CAMTA1: variants seen among roughly 807,000 people sequenced by gnomAD.
CAMTA1 encodes calmodulin binding transcription activator 1.
A neutral mutation model predicts 170.9 loss-of-function variants in CAMTA1; 27 were observed. The observed-to-expected ratio is 0.16, with a 90% confidence interval of 0.12 to 0.22. The LOEUF (loss-of-function observed/expected upper bound fraction) is 0.22, where lower values mean the gene tolerates loss of function less well. Ranked by LOEUF, CAMTA1 falls within the 10% of genes least tolerant of loss-of-function variation. CAMTA1 has a pLI of 1.00. For missense variants in CAMTA1, 1,619 were observed against 2,217.2 expected (o/e 0.73, Z 5.42); for synonymous variants, 833 against 891.5 (o/e 0.93, Z 1.17).
intron 6 of CAMTA1, among the ~76,000 whole-genome samples, chr1:7,611,761 C>T (rs973015147): frequency 1.3e-5 from 2 of 152,264 alleles, no homozygotes; most frequent in Non-Finnish European, 1.5e-5. Flanking sequence ...GCTGCTGCTT[C>T]AGGCTGCCCC....
chr1:7,185,532 A>G (rs890922075), intron 4 of CAMTA1, among the ~76,000 whole-genome samples: 13 of 152,236 alleles, frequency 8.5e-5, no homozygotes, highest in African/African-American at 3.1e-4. Context: ...TTGAAAATGT[A>G]GAAGGAATTT....
At chr1:6,794,631 T>A (rs189384196) in intron 1 of CAMTA1, among the ~76,000 whole-genome samples, 74 of 152,342 alleles carry the variant, frequency 4.9e-4, no homozygotes, top group African/African-American at 1.7e-3. Context: ...TTTCTAAGAA[T>A]GTAATAATCT....
chr1:7,443,164 A>T lies in CAMTA1; in HGVS notation c.439-24666A>T, dbSNP rs1468984105. Among the ~76,000 whole-genome samples the T allele has an allele frequency of 6.6e-6, 1 of 152,244 alleles. No homozygotes were observed. The highest frequency in any genetic ancestry group is 2.4e-5 in the African/African-American group (1 of 41,468). ...AAGCCCTGGATGACGGCTGCAAAGC[A>T]TAAGGCTTCGGGTTCCCAGCTCAGT... On this transcript the variant is annotated intron_variant, in intron 5 of 22. Coordinates refer to ENST00000303635, the MANE Select transcript of CAMTA1 (RefSeq NM_015215.4). This position sits in a 1 kb window ranked among gnomAD's most constrained non-coding sequence, Gnocchi z 4.1.
intron 5 of CAMTA1, among the ~76,000 whole-genome samples, chr1:7,254,432 G>C (rs1157316229): frequency 6.6e-6 from 1 of 152,190 alleles, no homozygotes; most frequent in Non-Finnish European, 1.5e-5. Flanking sequence ...ACCATCTTTG[G>C]GTGGAAACAC....
chr1:7,663,209 C>A, intron 8 of CAMTA1, 144 bp from the exon 9 acceptor site: 1 of 1,099,358 alleles, frequency 9.1e-7, no homozygotes, highest in Non-Finnish European at 1.3e-6. Flanking sequence ...GCCTGGGGTA[C>A]CGGGCCTGGA....
chr1:7,402,494 C>T (rs1235433055), intron 5 of CAMTA1, among the ~76,000 whole-genome samples: 1 of 152,174 alleles, frequency 6.6e-6, no homozygotes, highest in Non-Finnish European at 1.5e-5. Context: ...GTCCCATCGC[C>T]CAAAAATATG....
intron 5 of CAMTA1, among the ~76,000 whole-genome samples, chr1:7,298,937 A>G (rs970229946): frequency 1.3e-5 from 2 of 152,094 alleles, no homozygotes; most frequent in African/African-American, 4.8e-5. Context: ...ACCAGACCCA[A>G]GGGTTTTGGA....
At chr1:7,429,538 GTGA>G (rs1478687893) in intron 5 of CAMTA1, among the ~76,000 whole-genome samples, 6 of 149,382 alleles carry the variant, frequency 4.0e-5, no homozygotes, top group East Asian at 2.0e-4. Context: ...GGTGATGATG[GTGA>G]TGATGATGAC....
At chr1:7,136,779 C>G (rs1001912502) in intron 4 of CAMTA1, among the ~76,000 whole-genome samples, 3 of 152,166 alleles carry the variant, frequency 2.0e-5, no homozygotes, top group Admixed American at 2.0e-4. Flanking sequence ...GCCTCTTCCT[C>G]GTGAAACCGC....
intron 5 of CAMTA1, among the ~76,000 whole-genome samples, chr1:7,418,822 C>T (rs554483643): frequency 2.6e-5 from 4 of 152,346 alleles, no homozygotes; most frequent in African/African-American, 9.6e-5. Flanking sequence ...CCCACCTCCA[C>T]CCCACTCAGT....
intron 4 of CAMTA1, among the ~76,000 whole-genome samples, chr1:7,131,041 C>T (rs929155349): frequency 6.6e-6 from 1 of 151,854 alleles, no homozygotes; most frequent in East Asian, 1.9e-4. Context: ...GCAACCTCTG[C>T]CTCCCGGGTT....
intron 1 of CAMTA1, among the ~76,000 whole-genome samples, chr1:6,797,723 TC>T (rs769891734): frequency 2.0e-5 from 3 of 152,056 alleles, no homozygotes; most frequent in Non-Finnish European, 4.4e-5. Context: ...AACTCACAGA[TC>T]CTGTGTCCTC....
At chr1:7,060,994 T>C (rs1241911563) in intron 3 of CAMTA1, among the ~76,000 whole-genome samples, 2 of 152,186 alleles carry the variant, frequency 1.3e-5, no homozygotes, top group African/African-American at 4.8e-5. Flanking sequence ...CCTCCTTCTT[T>C]TTTTATTCCC....
intron 5 of CAMTA1, among the ~76,000 whole-genome samples, chr1:7,337,116 A>G (rs1393528568): frequency 6.6e-6 from 1 of 152,232 alleles, no homozygotes; most frequent in Non-Finnish European, 1.5e-5. Flanking sequence ...AGATTACGGC[A>G]GATGATTGAG....
chr1:7,747,584 T>C, intron 18 of CAMTA1, 126 bp from the exon 19 acceptor site: 1 of 560,700 alleles, frequency 1.8e-6, no homozygotes, highest in Non-Finnish European at 3.1e-6. Flanking sequence ...TAATTAATTA[T>C]CAATATTTTT....
intron 6 of CAMTA1, among the ~76,000 whole-genome samples, chr1:7,573,076 T>A (rs2095143977): frequency 6.6e-6 from 1 of 152,214 alleles, no homozygotes; most frequent in Non-Finnish European, 1.5e-5. Context: ...CAGAAGGGTT[T>A]ACTCCTGGAC....
At chr1:7,689,767 CCTT>C (rs1311147431) in intron 11 of CAMTA1, among the ~76,000 whole-genome samples, 1 of 152,166 alleles carries the variant, frequency 6.6e-6, no homozygotes, top group Admixed American at 6.5e-5. Flanking sequence ...CCTCCTGACT[CCTT>C]CTGCATGCTC....
intron 6 of CAMTA1, among the ~76,000 whole-genome samples, chr1:7,544,314 T>C (rs2094658108): frequency 6.6e-6 from 1 of 152,220 alleles, no homozygotes; most frequent in Admixed American, 6.5e-5. Flanking sequence ...AACCGCCCCA[T>C]GATTCAAATT....
At chr1:7,138,582 C>T (rs1645681559) in intron 4 of CAMTA1, among the ~76,000 whole-genome samples, 1 of 152,226 alleles carries the variant, frequency 6.6e-6, no homozygotes, top group African/African-American at 2.4e-5. Context: ...GCATACACGT[C>T]TTTTGATGAT....
Sources: allele counts gnomAD v4.1 joint callset (sites outside exome capture counted in the v4.1 genomes callset), GRCh38; gene constraint gnomAD v4.1.1; non-coding constraint Gnocchi (gnomAD v3.1); transcripts MANE v1.5; gene names NCBI Gene and HGNC (gene_info 2026-07-23, HGNC 2026-07-21).